Variants in LDLRAD4 observed in about 807,000 individuals in gnomAD.
LDLRAD4 encodes low density lipoprotein receptor class A domain containing 4, also known as low-density lipoprotein receptor class A domain-containing protein 4.
A neutral mutation model predicts 17.0 loss-of-function variants in LDLRAD4; 5 were observed. The observed-to-expected ratio is 0.29, with a 90% CI of 0.15 to 0.62. The LOEUF (loss-of-function observed/expected upper bound fraction) is 0.62, where lower values mean the gene tolerates loss of function less well. Ranked by LOEUF, LDLRAD4 falls within the 20% of genes least tolerant of loss-of-function variation. The pLI, the probability that LDLRAD4 is intolerant of heterozygous loss-of-function variation, is 0.84. For missense variants in LDLRAD4, 340 were observed against 424.7 expected (o/e 0.80, Z 1.75); for synonymous variants, 168 against 171.8 (o/e 0.98, Z 0.17).
chr18:13,560,472 G>A (rs1412400222), intron 3 of LDLRAD4, among the ~76,000 whole-genome samples: 1 of 152,196 alleles, frequency 6.6e-6, no homozygotes, highest in Non-Finnish European at 1.5e-5. Context: ...CTGTGCCAGT[G>A]GGGATGACGG....
chr18:13,443,020 T>G (rs1238112615), intron 3 of LDLRAD4, among the ~76,000 whole-genome samples: 1 of 152,034 alleles, frequency 6.6e-6, no homozygotes, highest in Non-Finnish European at 1.5e-5. Context: ...GGAAGCTGCT[T>G]CTCTCTATAT....
At chr18:13,264,259 G>A (rs80220590) in intron 1 of LDLRAD4, among the ~76,000 whole-genome samples, 1 of 152,258 alleles carries the variant, frequency 6.6e-6, no homozygotes, top group Admixed American at 6.5e-5. Flanking sequence ...CCAGGCGGCT[G>A]CTTTACGTCA....
At chr18:13,248,518 T>C (rs999036942) in intron 1 of LDLRAD4, among the ~76,000 whole-genome samples, 2 of 152,234 alleles carry the variant, frequency 1.3e-5, no homozygotes, top group Non-Finnish European at 2.9e-5. Context: ...ACTGGCCTGC[T>C]AGTAGGTTTG....
At chr18:13,572,279 G>GA (rs1013489909) in intron 3 of LDLRAD4, among the ~76,000 whole-genome samples, 1 of 152,190 alleles carries the variant, frequency 6.6e-6, no homozygotes, top group African/African-American at 2.4e-5. Context: ...AGTAACAAAA[G>GA]AAACAGGCCT....
chr18:13,510,512 G>A (rs2093760932), intron 3 of LDLRAD4, among the ~76,000 whole-genome samples: 1 of 151,732 alleles, frequency 6.6e-6, no homozygotes, highest in Non-Finnish European at 1.5e-5. Flanking sequence ...AATGGACTTT[G>A]GAGAGTTGGG....
intron 3 of LDLRAD4, among the ~76,000 whole-genome samples, chr18:13,439,294 AAG>A (rs1179356187): frequency 6.6e-6 from 1 of 152,240 alleles, no homozygotes; most frequent in Non-Finnish European, 1.5e-5. Flanking sequence ...GATTTAAAAA[AAG>A]AAACTATTTT....
At chr18:13,340,606 G>C (rs2082325614) in intron 1 of LDLRAD4, among the ~76,000 whole-genome samples, 1 of 152,098 alleles carries the variant, frequency 6.6e-6, no homozygotes, top group Admixed American at 6.5e-5. Flanking sequence ...AGCTTTAGTA[G>C]TTCTTTATAA....
At chr18:13,287,752 G>C (rs1317800279) in intron 1 of LDLRAD4, among the ~76,000 whole-genome samples, 3 of 152,038 alleles carry the variant, frequency 2.0e-5, no homozygotes, top group African/African-American at 7.3e-5. Context: ...ATTGAAACCT[G>C]GTAATCAAAT....
At chr18:13,625,324 G>A (rs2148847039) in intron 4 of LDLRAD4, among the ~76,000 whole-genome samples, 1 of 152,330 alleles carries the variant, frequency 6.6e-6, no homozygotes, top group South Asian at 2.1e-4. Context: ...CCTGGAGAGT[G>A]GAGGTGGAAA....
upstream of LDLRAD4, among the ~76,000 whole-genome samples, chr18:13,276,838 G>A (rs879659086): frequency 1.3e-5 from 2 of 152,204 alleles, no homozygotes; most frequent in Non-Finnish European, 2.9e-5. Flanking sequence ...TGTACAGGGT[G>A]TAAGCAATTT....
intron 2 of LDLRAD4, among the ~76,000 whole-genome samples, chr18:13,437,438 T>C (rs1202785940): frequency 6.6e-6 from 1 of 152,252 alleles, no homozygotes; most frequent in Non-Finnish European, 1.5e-5. Flanking sequence ...CCTTTATTCT[T>C]CATTGCTTAA....
intron 1 of LDLRAD4, among the ~76,000 whole-genome samples, chr18:13,308,226 C>T (rs1160981292): frequency 6.6e-6 from 1 of 152,164 alleles, no homozygotes; most frequent in African/African-American, 2.4e-5. Context: ...ACCCGCCGCC[C>T]CACACCTCTC....
At chr18:13,484,499 C>A (rs117073590) in intron 3 of LDLRAD4, among the ~76,000 whole-genome samples, 1,781 of 152,126 alleles carry the variant, frequency 0.012, 70 homozygotes, top group East Asian at 0.11. Context: ...CTACTCCGAG[C>A]TACTTGGGAG....
chr18:13,650,455 T>G (rs985442076), exon 6 of LDLRAD4: 1 of 398,036 alleles, frequency 2.5e-6, no homozygotes, highest in Non-Finnish European at 4.4e-6. Flanking sequence ...TATATGTAGA[T>G]ATACCCCTAT....
chr18:13,462,414 G>T (rs1011930694), intron 3 of LDLRAD4, among the ~76,000 whole-genome samples: 2 of 152,110 alleles, frequency 1.3e-5, no homozygotes, highest in African/African-American at 4.8e-5. Flanking sequence ...TCAAGCCAGG[G>T]TGCATGGTAA....
chr18:13,606,159 G>A (rs965473132), intron 3 of LDLRAD4, among the ~76,000 whole-genome samples: 5 of 152,158 alleles, frequency 3.3e-5, no homozygotes, highest in Admixed American at 2.6e-4. Flanking sequence ...GGAACCCAAC[G>A]TTGGTTCTAA....
chr18:13,261,939 C>T (rs1246780212), intron 1 of LDLRAD4, among the ~76,000 whole-genome samples: 10 of 152,060 alleles, frequency 6.6e-5, no homozygotes, highest in East Asian at 1.9e-4. Flanking sequence ...GGCACATGTG[C>T]GGCTCTGTGT....
intron 3 of LDLRAD4, among the ~76,000 whole-genome samples, chr18:13,534,809 G>A (rs74855942): frequency 0.011 from 1,610 of 152,312 alleles, 34 homozygotes; most frequent in African/African-American, 0.037. Context: ...TCCCTGAAAA[G>A]TTGGCTCATG....
intron 3 of LDLRAD4, among the ~76,000 whole-genome samples, chr18:13,536,599 C>A (rs1198910156): frequency 6.6e-6 from 1 of 151,692 alleles, no homozygotes; most frequent in African/African-American, 2.4e-5. Flanking sequence ...AGCCTGTATG[C>A]CTTTAATGTC....
Sources: gnomAD v4.1 joint callset for allele counts (sites outside exome capture counted in the v4.1 genomes callset) on GRCh38, gnomAD v4.1.1 for gene constraint, MANE v1.5 for transcripts, NCBI Gene and HGNC (gene_info 2026-07-23, HGNC 2026-07-21) for gene names.